The following SORBS2 variants were observed in gnomAD, a reference collection of about 807,000 sequenced individuals.
SORBS2 encodes the protein sorbin and SH3 domain containing 2.
A neutral mutation model predicts 97.7 loss-of-function variants in SORBS2; 46 were observed. The ratio of observed to expected loss-of-function variants is 0.47; its 90% CI spans 0.37 to 0.60. The LOEUF is 0.60. Among genes scored for constraint, SORBS2 ranks in the 20% least tolerant of loss-of-function variants. The probability of loss-of-function intolerance (pLI) is 0.00; values close to 1 mark genes in which losing one functional copy is unlikely to be tolerated. For missense variants in SORBS2, 1,316 were observed against 1,282.3 expected (o/e 1.03, Z -0.40); for synonymous variants, 476 against 473.4 (o/e 1.01, Z -0.07).
intron 2 of SORBS2, among the ~76,000 whole-genome samples, chr4:185,711,182 T>C (rs1167780249): frequency 6.6e-6 from 1 of 151,824 alleles, no homozygotes; most frequent in Non-Finnish European, 1.5e-5. Context: ...CCTTGTTGCC[T>C]GGGCTGGTCT....
chr4:185,765,716 AAATAT>A lies in SORBS2; in HGVS notation c.-198+9506_-198+9510del, dbSNP rs538956957. 3.3e-4 allele frequency among the ~76,000 whole-genome samples: 51 copies of A among 152,314 alleles called. 1 individual carries two copies. The highest frequency in any genetic ancestry group is 1.2e-3 in the African/African-American group (48 of 41,564). On this transcript the variant is annotated intron_variant, in intron 2 of 20. Coordinates refer to the SORBS2 transcript ENST00000284776. Reference sequence around the variant, plus strand: ...CTTAAAGATGCTCAAACACAAAATAAAATATATTTTGAATGTAGACAAGTAGGCAT... The same window carrying A: ...CTTAAAGATGCTCAAACACAAAATAAATTTTGAATGTAGACAAGTAGGCAT...
In SORBS2 at chr4:185,932,052, AGT is replaced by A. The variant is rs1360507373; in HGVS notation, c.-338+24142_-338+24143del. Among the ~76,000 whole-genome samples the A allele has an allele frequency of 2.6e-5, 4 of 151,618 alleles. No homozygotes were observed. The South Asian group carries it at 8.3e-4, about 32-fold the overall frequency. On this transcript the variant is annotated intron_variant, in intron 1 of 20. Coordinates refer to the SORBS2 transcript ENST00000284776. ...TAGATATAGATACAGATATATATTTAGTGTGTGTGTTTATTATATATTTATTT... is the reference window on the plus strand; with the variant it reads ...TAGATATAGATACAGATATATATTTAGTGTGTGTTTATTATATATTTATTT...
intron 2 of SORBS2, chr4:185,761,398 G>A (rs1299594944): frequency 6.6e-6 from 1 of 152,206 alleles, no homozygotes; most frequent in Non-Finnish European, 1.5e-5. Context: ...CATGGATAAT[G>A]TATATATGCT....
intron 1 of SORBS2, among the ~76,000 whole-genome samples, chr4:185,904,553 T>C (rs546477428): frequency 2.0e-5 from 3 of 152,198 alleles, no homozygotes; most frequent in Non-Finnish European, 4.4e-5. Flanking sequence ...AGGAAGAAAG[T>C]TCCTCTGACT....
At chr4:185,761,739 T>C (rs1224284660) in intron 2 of SORBS2, 2 of 152,202 alleles carry the variant, frequency 1.3e-5, no homozygotes, top group Non-Finnish European at 2.9e-5. Context: ...GGGCTGACAT[T>C]GAATCTGAGT....
At chr4:185,687,995 C>G (rs2098003102) in intron 2 of SORBS2, among the ~76,000 whole-genome samples, 1 of 152,154 alleles carries the variant, frequency 6.6e-6, no homozygotes, top group Admixed American at 6.5e-5. Flanking sequence ...TACTCTTCCC[C>G]TGAGCTGCAA....
At chr4:185,895,508 C>T (rs964533066) in intron 1 of SORBS2, among the ~76,000 whole-genome samples, 7 of 152,174 alleles carry the variant, frequency 4.6e-5, no homozygotes, top group East Asian at 1.9e-4. Context: ...GCAGATGCAG[C>T]GGTCATGGCG....
chr4:185,601,159 G>A (rs1325777112), intron 12 of SORBS2, among the ~76,000 whole-genome samples: 1 of 152,148 alleles, frequency 6.6e-6, no homozygotes, highest in Non-Finnish European at 1.5e-5. Context: ...CCAGCCTCTC[G>A]GGATGAAATG....
At chr4:185,864,506 A>T (rs2099225701) in intron 1 of SORBS2, among the ~76,000 whole-genome samples, 1 of 152,234 alleles carries the variant, frequency 6.6e-6, no homozygotes, top group Non-Finnish European at 1.5e-5. Context: ...AATCATCACC[A>T]CTATCACTAT....
At chr4:185,949,019 C>T (rs1434572595) in intron 1 of SORBS2, among the ~76,000 whole-genome samples, 4 of 151,846 alleles carry the variant, frequency 2.6e-5, no homozygotes, top group African/African-American at 7.3e-5. Flanking sequence ...AGAATTATCA[C>T]CGAGAAGAAA....
intron 2 of SORBS2, among the ~76,000 whole-genome samples, chr4:185,691,553 C>T (rs1411207344): frequency 4.6e-5 from 7 of 151,176 alleles, no homozygotes; most frequent in Admixed American, 1.3e-4. Flanking sequence ...ATGAATGTAA[C>T]GCATATTTTC....
intron 1 of SORBS2, among the ~76,000 whole-genome samples, chr4:185,785,017 G>C (rs777682192): frequency 1.3e-5 from 2 of 151,722 alleles, no homozygotes; most frequent in South Asian, 4.2e-4. Context: ...GTGATCAACA[G>C]GAAACACAAA....
chr4:185,778,588 A>C (rs1366528367), intron 1 of SORBS2, among the ~76,000 whole-genome samples: 6 of 152,250 alleles, frequency 3.9e-5, no homozygotes, highest in African/African-American at 1.4e-4. Context: ...AATATAAGGT[A>C]AACTTTTACA....
intron 1 of SORBS2, among the ~76,000 whole-genome samples, chr4:185,785,340 A>T (rs966326987): frequency 6.6e-6 from 1 of 152,146 alleles, no homozygotes; most frequent in African/African-American, 2.4e-5. Flanking sequence ...TTCAGAGTTA[A>T]ACAAAGTTAA....
intron 1 of SORBS2, among the ~76,000 whole-genome samples, chr4:185,932,200 T>G (rs932081798): frequency 4.6e-5 from 7 of 151,714 alleles, no homozygotes; most frequent in Non-Finnish European, 7.4e-5. Flanking sequence ...ACAGCAATGC[T>G]TGCGGGATTA....
intron 2 of SORBS2, among the ~76,000 whole-genome samples, chr4:185,747,392 A>G (rs537976769): frequency 6.6e-6 from 1 of 152,224 alleles, no homozygotes; most frequent in African/African-American, 2.4e-5. Flanking sequence ...TAGGACCAGT[A>G]ATTTGAATTT....
chr4:185,605,855 C>T (rs796516459), intron 12 of SORBS2, among the ~76,000 whole-genome samples: 8 of 152,222 alleles, frequency 5.3e-5, no homozygotes, highest in South Asian at 2.1e-4. Context: ...GAAGTGCTGG[C>T]GTTGCAGGCT....
chr4:185,779,080 G>T (rs1584689391), intron 1 of SORBS2, among the ~76,000 whole-genome samples: 1 of 152,198 alleles, frequency 6.6e-6, no homozygotes, highest in Admixed American at 6.5e-5. Context: ...CTGGGCTCAC[G>T]CTGGTAACAT....
At chr4:185,956,018 T>C (rs948621154) in intron 1 of SORBS2, among the ~76,000 whole-genome samples, 1 of 152,232 alleles carries the variant, frequency 6.6e-6, no homozygotes, top group Non-Finnish European at 1.5e-5. Context: ...CAACGTAAAG[T>C]GTTCCTTTAT....
Sources: gnomAD v4.1 joint callset for allele counts (sites outside exome capture counted in the v4.1 genomes callset) on GRCh38, gnomAD v4.1.1 for gene constraint, MANE v1.5 for transcripts, NCBI Gene and HGNC (gene_info 2026-07-23, HGNC 2026-07-21) for gene names.